MTMR9: variants seen among roughly 807,000 people sequenced by gnomAD.
The protein encoded by MTMR9 is myotubularin related protein 9, also known as myotubularin-related protein 9.
In MTMR9, 39 loss-of-function variants were observed where a neutral mutation model predicts 69.5. That is an observed-to-expected ratio of 0.56 (90% CI 0.43 to 0.73). MTMR9 has a LOEUF of 0.73. MTMR9 is among the 30% of genes least tolerant of loss of function. The pLI, the probability that MTMR9 is intolerant of heterozygous loss-of-function variation, is 0.00. For missense variants in MTMR9, 900 were observed against 671.2 expected, an observed-to-expected ratio of 1.34 and a Z score of -3.77; for synonymous variants, 354 against 240.8, an observed-to-expected ratio of 1.47 and a Z score of -4.35.
At chr8:11,296,014 A>G (rs1799545742) in intron 2 of MTMR9, among the ~76,000 whole-genome samples, 1 of 152,158 alleles carries the variant, frequency 6.6e-6, no homozygotes, top group Admixed American at 6.5e-5. Context: ...TCTTGAATAT[A>G]CTAGTATATC....
chr8:11,294,055 C>T (rs953339106), intron 1 of MTMR9, among the ~76,000 whole-genome samples: 4 of 152,122 alleles, frequency 2.6e-5, no homozygotes, highest in Non-Finnish European at 5.9e-5. Context: ...TTTAGAATCA[C>T]CTTTTCAGTT....
At chr8:11,312,573 C>T (rs141126831) in intron 6 of MTMR9, among the ~76,000 whole-genome samples, 33 of 152,314 alleles carry the variant, frequency 2.2e-4, no homozygotes, top group Non-Finnish European at 4.1e-4. Flanking sequence ...AGTGACTTCT[C>T]CAGTAAAGCC....
At chr8:11,319,973 G>T (rs765027072) in intron 9 of MTMR9, 135 bp downstream of exon 9, 2 of 745,928 alleles carry the variant, frequency 2.7e-6, no homozygotes, top group African/African-American at 1.8e-5. Context: ...GTCATTCTCA[G>T]TGTGGGCATG....
chr8:11,313,400 G>T (rs1400793779), intron 6 of MTMR9, among the ~76,000 whole-genome samples: 1 of 152,116 alleles, frequency 6.6e-6, no homozygotes, highest in South Asian at 2.1e-4. Flanking sequence ...TTATGTGTTC[G>T]CTGGAGAAGC....
At chr8:11,302,466 A>G (rs1186647685) in intron 3 of MTMR9, among the ~76,000 whole-genome samples, 2 of 152,136 alleles carry the variant, frequency 1.3e-5, no homozygotes, top group South Asian at 4.1e-4. Context: ...TAAAGCAAAG[A>G]AAATACCACA....
At chr8:11,305,452 C>A (rs370264345) in intron 4 of MTMR9, among the ~76,000 whole-genome samples, 31 of 152,286 alleles carry the variant, frequency 2.0e-4, no homozygotes, top group African/African-American at 2.9e-4. Flanking sequence ...CATTTAGTCA[C>A]AACTCTAGTA....
downstream of MTMR9, chr8:11,331,310 C>T (rs1335903202): frequency 4.3e-6 from 7 of 1,613,886 alleles, no homozygotes; most frequent in African/African-American, 6.7e-5. Context: ...CCAACCTGCC[C>T]TCGCTGGAGC....
At chr8:11,331,307 G>C, downstream of MTMR9, 1 of 1,613,976 alleles carries the variant, frequency 6.2e-7, no homozygotes, top group Non-Finnish European at 8.5e-7. Context: ...GTTCCAACCT[G>C]CCCTCGCTGG....
At chr8:11,286,965 C>T (rs1461902385) in intron 1 of MTMR9, among the ~76,000 whole-genome samples, 2 of 152,134 alleles carry the variant, frequency 1.3e-5, no homozygotes, top group Non-Finnish European at 2.9e-5. Flanking sequence ...TTGCCAAATG[C>T]CTTTATGTTC....
chr8:11,298,016 T>C (rs773450840), intron 2 of MTMR9: 2 of 446,652 alleles, frequency 4.5e-6, no homozygotes, highest in Non-Finnish European at 9.0e-6. Context: ...GGAGTCCGTA[T>C]ACTCAAATAT....
intron 7 of MTMR9, chr8:11,316,462 CA>C: frequency 2.5e-6 from 1 of 407,848 alleles, no homozygotes; most frequent in Non-Finnish European, 4.3e-6. Context: ...CGCGCAGCCT[CA>C]TTAAGGATTT....
intron 9 of MTMR9, chr8:11,320,121 A>C (rs1698499375): frequency 3.4e-6 from 1 of 290,992 alleles, no homozygotes; most frequent in African/African-American, 2.2e-5. Flanking sequence ...TCTTTGCCTA[A>C]GAGAGTTGGT....
At chr8:11,317,402 A>G (rs906818535) in intron 8 of MTMR9, 3 of 152,146 alleles carry the variant, frequency 2.0e-5, no homozygotes, top group African/African-American at 7.3e-5. Context: ...TTGGGGTGAA[A>G]CTGTTCCATG....
At chr8:11,301,584 C>G (rs1360732489) in intron 3 of MTMR9, among the ~76,000 whole-genome samples, 1 of 152,144 alleles carries the variant, frequency 6.6e-6, no homozygotes, top group Non-Finnish European at 1.5e-5. Context: ...TCTTTATGAC[C>G]TTCAGTTAGA....
chr8:11,329,550 G>A (rs574209773), downstream of MTMR9, among the ~76,000 whole-genome samples: 5 of 152,368 alleles, frequency 3.3e-5, no homozygotes, highest in Middle Eastern at 3.4e-3. Context: ...TCCTAACCGC[G>A]AGTGATCCGC....
downstream of MTMR9, chr8:11,331,942 C>T (rs1563298109): frequency 6.2e-7 from 1 of 1,612,048 alleles, no homozygotes; most frequent in Non-Finnish European, 8.5e-7. Flanking sequence ...AAGGCCCACC[C>T]TGCCCTGGTG....
intron 1 of MTMR9, among the ~76,000 whole-genome samples, chr8:11,287,285 C>A (rs956609391): frequency 1.3e-5 from 2 of 152,184 alleles, no homozygotes; most frequent in African/African-American, 4.8e-5. Flanking sequence ...AACTACCTTT[C>A]CTTTCTTATT....
downstream of MTMR9, chr8:11,331,528 G>A (rs768525610): frequency 1.1e-5 from 17 of 1,613,906 alleles, no homozygotes; most frequent in Non-Finnish European, 1.3e-5. Context: ...TCCACCGTAT[G>A]CTCCGCTGTC....
the MTMR9 span, among the ~76,000 whole-genome samples, chr8:11,335,281 CA>C: frequency 3.3e-5 from 5 of 152,166 alleles, no homozygotes; most frequent in Admixed American, 3.3e-4. Flanking sequence ...CAGCAATGAA[CA>C]AATGAAATTT....
Sources: allele counts gnomAD v4.1 joint callset (sites outside exome capture counted in the v4.1 genomes callset), GRCh38; gene constraint gnomAD v4.1.1; transcripts MANE v1.5; gene names NCBI Gene and HGNC (gene_info 2026-07-23, HGNC 2026-07-21).